Variants in SNTG1 observed in about 807,000 individuals in gnomAD.
SNTG1 encodes the protein gamma-1-syntrophin.
A neutral mutation model predicts 74.7 loss-of-function variants in SNTG1; 39 were observed. That is an observed-to-expected ratio of 0.52 (90% CI 0.40 to 0.68). SNTG1 has a LOEUF of 0.68. Among genes scored for constraint, SNTG1 ranks in the 30% least tolerant of loss-of-function variants. SNTG1 has a pLI of 0.00. For synonymous variants in SNTG1, 254 were observed against 217.1 expected (o/e 1.17, Z -1.49); for missense variants, 685 against 609.5 (o/e 1.12, Z -1.30).
intron 2 of SNTG1, among the ~76,000 whole-genome samples, chr8:50,338,028 C>A (rs920338098): frequency 2.0e-5 from 3 of 151,784 alleles, no homozygotes; most frequent in African/African-American, 7.3e-5. Context: ...CCCAGCTACT[C>A]AGGAGGCTGA....
chr8:49,934,662 T>C (rs993137099), intron 1 of SNTG1, among the ~76,000 whole-genome samples: 1 of 152,222 alleles, frequency 6.6e-6, no homozygotes, highest in Admixed American at 6.5e-5. Context: ...TAATTGCCAT[T>C]GTCATGATTA....
intron 9 of SNTG1, among the ~76,000 whole-genome samples, chr8:50,522,649 A>T (rs1354996310): frequency 6.8e-6 from 1 of 148,142 alleles, no homozygotes; most frequent in Non-Finnish European, 1.5e-5. Flanking sequence ...TGTGATCTAC[A>T]CTAATTGCAG....
chr8:50,003,085 G>A (rs770456782), intron 1 of SNTG1, among the ~76,000 whole-genome samples: 28 of 152,132 alleles, frequency 1.8e-4, no homozygotes, highest in Non-Finnish European at 3.2e-4. Flanking sequence ...GTGGTTGTGA[G>A]GAGCTTAAGA....
At chr8:50,562,218 T>C (rs1585692624) in intron 12 of SNTG1, among the ~76,000 whole-genome samples, 2 of 152,314 alleles carry the variant, frequency 1.3e-5, no homozygotes, top group South Asian at 2.1e-4. Flanking sequence ...ATGTCCTAAC[T>C]CCCAGAACCT....
chr8:50,320,620 CTCT>C (rs1324951946), intron 2 of SNTG1, among the ~76,000 whole-genome samples: 3 of 151,344 alleles, frequency 2.0e-5, no homozygotes, highest in Admixed American at 6.6e-5. Context: ...TTATTTAAAG[CTCT>C]TCTTCTTTTT....
chr8:50,233,056 G>A (rs578046339), intron 2 of SNTG1, among the ~76,000 whole-genome samples: 8 of 151,560 alleles, frequency 5.3e-5, no homozygotes, highest in Non-Finnish European at 1.0e-4. Context: ...GGATATAGAC[G>A]TTATTGTTGT....
At chr8:50,203,063 A>T (rs1376771899) in intron 2 of SNTG1, among the ~76,000 whole-genome samples, 2 of 150,208 alleles carry the variant, frequency 1.3e-5, no homozygotes, top group Non-Finnish European at 3.0e-5. Flanking sequence ...TTATCCTCTT[A>T]TTTTTCTCCT....
intron 2 of SNTG1, among the ~76,000 whole-genome samples, chr8:50,299,002 G>T (rs749734015): frequency 6.6e-6 from 1 of 152,094 alleles, no homozygotes; most frequent in Non-Finnish European, 1.5e-5. Context: ...GCCTTTGTTT[G>T]AAAGTGAAAT....
chr8:50,007,005 T>C (rs1450979628), intron 1 of SNTG1, among the ~76,000 whole-genome samples: 3 of 152,082 alleles, frequency 2.0e-5, no homozygotes, highest in African/African-American at 7.2e-5. Flanking sequence ...TTTGTAGCAG[T>C]TGCCCCTGCT....
At chr8:50,530,752 T>C (rs2094260306) in intron 10 of SNTG1, among the ~76,000 whole-genome samples, 2 of 152,232 alleles carry the variant, frequency 1.3e-5, no homozygotes, top group Non-Finnish European at 2.9e-5. Context: ...TACATGTATT[T>C]AGTAGAAGTT....
At chr8:50,127,675 G>A (rs1233841349) in intron 1 of SNTG1, among the ~76,000 whole-genome samples, 13 of 152,116 alleles carry the variant, frequency 8.5e-5, no homozygotes, top group African/African-American at 3.1e-4. Flanking sequence ...CTTGTTGCTA[G>A]AATAATTTTT....
At position 50,149,684 on chromosome 8, in the gene SNTG1, C is replaced by T. The variant is rs956179477; in HGVS notation, c.-102-22877C>T. On this transcript the variant is annotated intron_variant, in intron 1 of 18. Transcript: ENST00000642720. Reference sequence around the variant, plus strand: ...CATTTCTTGTTTTTGTCAGGGTTGTCAAAGATCAGATGGTTGTAGATGTGT... The same window carrying T: ...CATTTCTTGTTTTTGTCAGGGTTGTTAAAGATCAGATGGTTGTAGATGTGT... Among the ~76,000 whole-genome samples, 13 of 152,238 alleles carry T rather than the reference C, an allele frequency of 8.5e-5. 1 individual carries two copies. Among genetic ancestry groups the T allele is most frequent in the African/African-American group, 2.9e-4 (12 of 41,536 alleles).
intron 8 of SNTG1, among the ~76,000 whole-genome samples, chr8:50,471,799 C>T (rs1350571320): frequency 2.0e-5 from 3 of 152,060 alleles, no homozygotes; most frequent in Non-Finnish European, 4.4e-5. Context: ...CTACATGACC[C>T]TATATGTAGA....
At chr8:50,779,980 G>T (rs201587053) in intron 18 of SNTG1, among the ~76,000 whole-genome samples, 1 of 151,980 alleles carries the variant, frequency 6.6e-6, no homozygotes, top group East Asian at 1.9e-4. Context: ...TTTGTCTTTG[G>T]TTCTGTTTAT....
intron 18 of SNTG1, among the ~76,000 whole-genome samples, chr8:50,777,596 A>C (rs2095644673): frequency 6.6e-6 from 1 of 151,712 alleles, no homozygotes; most frequent in South Asian, 2.1e-4. Flanking sequence ...ATATTTGTCA[A>C]CTGATTCTAA....
intron 2 of SNTG1, among the ~76,000 whole-genome samples, chr8:50,289,177 G>T (rs1368240286): frequency 6.6e-6 from 1 of 152,052 alleles, no homozygotes; most frequent in Non-Finnish European, 1.5e-5. Flanking sequence ...TTCAATCCTT[G>T]GTTGTATGCG....
chr8:50,603,077 A>G lies in SNTG1; in HGVS notation c.849+12160A>G, dbSNP rs562356013. ...TTTCTCTATGTTTTGGAAGTTCTCT[A>G]TTATTATTTCTTTGAATAAACTTTC... On this transcript the variant is annotated intron_variant, in intron 13 of 18. Coordinates refer to ENST00000642720, the MANE Select transcript of SNTG1 (RefSeq NM_018967.5). 2.1e-3 allele frequency among the ~76,000 whole-genome samples: 320 copies of G among 152,144 alleles called. 5 individuals carry two copies. The highest frequency in any genetic ancestry group is 2.5e-4 in the Non-Finnish European group (17 of 67,992).
chr8:50,003,367 G>A (rs1814923188), intron 1 of SNTG1, among the ~76,000 whole-genome samples: 2 of 152,112 alleles, frequency 1.3e-5, no homozygotes, highest in South Asian at 2.1e-4. Flanking sequence ...AACTGTCAGT[G>A]CTTTTTTTGC....
At chr8:50,265,873 A>G (rs1220085801) in intron 2 of SNTG1, among the ~76,000 whole-genome samples, 1 of 152,082 alleles carries the variant, frequency 6.6e-6, no homozygotes, top group Non-Finnish European at 1.5e-5. Flanking sequence ...TTTGGAATAA[A>G]TTTCATGAAA....
Sources: gnomAD v4.1 joint callset for allele counts (sites outside exome capture counted in the v4.1 genomes callset) on GRCh38, gnomAD v4.1.1 for gene constraint, MANE v1.5 for transcripts, NCBI Gene and HGNC (gene_info 2026-07-23, HGNC 2026-07-21) for gene names.